NDUFA10: variants seen among roughly 807,000 people sequenced by gnomAD.
The protein encoded by NDUFA10 is NADH:ubiquinone oxidoreductase subunit A10, also known as NADH dehydrogenase [ubiquinone] 1 alpha subcomplex subunit 10, mitochondrial.
NDUFA10 carries 40 observed loss-of-function variants against 47.8 expected under a neutral mutation model. That is an observed-to-expected ratio of 0.84 (90% confidence interval 0.65 to 1.09). The LOEUF (loss-of-function observed/expected upper bound fraction) is 1.09, where lower values mean the gene tolerates loss of function less well. Among genes scored for constraint, NDUFA10 ranks in the 50% least tolerant of loss-of-function variants. The pLI is 0.00. For synonymous variants in NDUFA10, 183 were observed against 172.2 expected, an observed-to-expected ratio of 1.06 and a Z score of -0.49; for missense variants, 413 against 451.1, an observed-to-expected ratio of 0.92 and a Z score of 0.76.
chr2:239,898,758 C>T lies in NDUFA10; in HGVS notation c.295-3444G>A, dbSNP rs185463248. On this transcript the variant is annotated intron_variant, in intron 4 of 5. Coordinates refer to the NDUFA10 transcript ENST00000419408. The stretch of plus-strand genomic sequence containing the variant: ...TGCATCATCTTGGAAACCACATTCA[C>T]GAGTGCACAACGAAGTCCTACACAG... Among the ~76,000 whole-genome samples, 8 of 152,298 alleles carry T rather than the reference C, an allele frequency of 5.3e-5. No individual in the cohort carries two copies. The East Asian group carries it at 1.2e-3, about 22-fold the overall frequency.
At chr2:239,940,053 G>A (rs920297313) in intron 4 of NDUFA10, among the ~76,000 whole-genome samples, 1 of 152,228 alleles carries the variant, frequency 6.6e-6, no homozygotes, top group Admixed American at 6.5e-5. Context: ...CGCCTCTGAG[G>A]AACCCAGGCG....
intron 4 of NDUFA10, among the ~76,000 whole-genome samples, chr2:239,895,835 C>T (rs569274797): frequency 5.5e-4 from 84 of 152,306 alleles, no homozygotes; most frequent in African/African-American, 2.0e-3. Context: ...CGATACTGGC[C>T]GTGCTACTGC....
Position 240,016,007 on chromosome 2 carries a change from A to G in NDUFA10, c.548-1147T>C, listed in dbSNP as rs1697330441. Among the ~76,000 whole-genome samples, 6 of 152,310 alleles carry G rather than the reference A, an allele frequency of 3.9e-5. No individual in the cohort carries two copies. Among genetic ancestry groups the G allele is most frequent in the Admixed American group, 6.5e-5 (1 of 15,298 alleles). On this transcript the variant is annotated intron_variant, in intron 4 of 9. Coordinates refer to ENST00000252711, the MANE Select transcript of NDUFA10 (RefSeq NM_004544.4). The surrounding 1 kb of genome is among the most constrained non-coding windows in gnomAD (Gnocchi z 4.4). Reference sequence around the variant, plus strand: ...TCCCATGTCTACCAAAAATACAAACATTAGCCAGTCTCCTAACCTAGTCTC... The same window carrying G: ...TCCCATGTCTACCAAAAATACAAACGTTAGCCAGTCTCCTAACCTAGTCTC...
chr2:240,022,481 TTTAA>T, intron 1 of NDUFA10, 141 bp from the exon 2 acceptor site: 1 of 1,290,614 alleles, frequency 7.7e-7, no homozygotes, highest in Middle Eastern at 1.8e-4. Flanking sequence ...TATTAATTTG[TTTAA>T]TTATCTGTCT....
intron 4 of NDUFA10, among the ~76,000 whole-genome samples, chr2:239,926,318 A>C (rs1188390083): frequency 6.6e-6 from 1 of 152,220 alleles, no homozygotes; most frequent in Non-Finnish European, 1.5e-5. Context: ...AACAGAAAAA[A>C]CTAGCATACA....
intron 5 of NDUFA10, chr2:240,012,617 C>T (rs1017064204): frequency 1.3e-5 from 2 of 152,182 alleles, no homozygotes; most frequent in Non-Finnish European, 2.9e-5. Context: ...ATCATTCAGT[C>T]GTACCCTTAA....
chr2:239,978,536 C>G (rs1350299627), intron 9 of NDUFA10, among the ~76,000 whole-genome samples: 2 of 152,180 alleles, frequency 1.3e-5, no homozygotes, highest in Non-Finnish European at 1.5e-5. Context: ...TGACCAACCC[C>G]GATTGGATCA....
intron 4 of NDUFA10, among the ~76,000 whole-genome samples, chr2:240,017,167 A>C (rs1443261867): frequency 6.6e-6 from 1 of 152,112 alleles, no homozygotes; most frequent in Non-Finnish European, 1.5e-5. Flanking sequence ...TTAAACTCAC[A>C]TCTAACCATG....
intron 9 of NDUFA10, 90 bp from the exon 10 acceptor site, chr2:239,961,276 G>A: frequency 1.3e-6 from 2 of 1,598,024 alleles, no homozygotes; most frequent in African/African-American, 2.7e-5. Context: ...GCAGATGCCT[G>A]TACTTCATGA....
downstream of NDUFA10, among the ~76,000 whole-genome samples, chr2:239,954,382 G>C (rs1001809861): frequency 1.3e-5 from 2 of 152,258 alleles, no homozygotes; most frequent in Non-Finnish European, 1.5e-5. Flanking sequence ...TGTGAAAGTG[G>C]GCTCAACCTG....
intron 4 of NDUFA10, among the ~76,000 whole-genome samples, chr2:239,934,712 G>A (rs1053019991): frequency 2.0e-5 from 3 of 152,170 alleles, no homozygotes; most frequent in Admixed American, 6.5e-5. Flanking sequence ...TGTCAGCTGC[G>A]ATTGTCTGTC....
At chr2:240,017,669 T>C in intron 4 of NDUFA10, 1 of 657,690 alleles carries the variant, frequency 1.5e-6, no homozygotes, top group African/African-American at 1.8e-5. Flanking sequence ...CCTGACCCGC[T>C]GCTCAGCATG....
chr2:239,924,682 A>G (rs1275459366), intron 4 of NDUFA10, among the ~76,000 whole-genome samples: 4 of 152,112 alleles, frequency 2.6e-5, no homozygotes, highest in Non-Finnish European at 5.9e-5. Flanking sequence ...CTCCTATTCA[A>G]TGTAGGACCA....
At chr2:240,003,573 T>A (rs1696817204) in intron 8 of NDUFA10, among the ~76,000 whole-genome samples, 2 of 152,144 alleles carry the variant, frequency 1.3e-5, no homozygotes, top group Admixed American at 1.3e-4. Flanking sequence ...TTTTCACAAG[T>A]CAAAGACCCT....
At position 240,014,839 on chromosome 2, in the gene NDUFA10, A is replaced by G; in HGVS notation, c.569T>C (p.Val190Ala). 6.2e-7 allele frequency: 1 copy of G among 1,614,070 alleles called. No homozygotes were observed. Among genetic ancestry groups the G allele is most frequent in the Non-Finnish European group, 8.5e-7 (1 of 1,179,948 alleles). ...RKQCVDHYNE[V>A]KSVTICDYLP... ...GTAATCGCAGATGGTGACGCTCTTC[A>G]CCTCGTTGTAGTGGTCCACACCTGG... The change falls in exon 5 of 10, where the codon GTG (valine) becomes GCG (alanine). Residue 190 changes from valine (V) to alanine (A), a missense_variant. Coordinates refer to ENST00000252711, the MANE Select transcript of NDUFA10 (RefSeq NM_004544.4).
Position 239,959,313 on chromosome 2 carries a change from T to G in NDUFA10, c.*1805A>C, listed in dbSNP as rs1401206166. On this transcript the variant is annotated 3_prime_UTR_variant, in exon 10 of 10. Coordinates refer to ENST00000252711, the MANE Select transcript of NDUFA10 (RefSeq NM_004544.4). The stretch of plus-strand genomic sequence containing the variant: ...TCCTGACCACAGGGCAGACCTGCCC[T>G]CTCACTGCTGAGGACACTACCCGTG... 9 of 985,312 alleles carry G rather than the reference T, an allele frequency of 9.1e-6. No individual in the cohort carries two copies. Among genetic ancestry groups the G allele is most frequent in the Non-Finnish European group, 1.1e-5 (9 of 829,952 alleles). The allele number at this position is 985,312 out of a possible 1,614,324, so 61.0% of individuals were successfully genotyped here.
intron 1 of NDUFA10, 69 bp from the exon 2 acceptor site, chr2:240,022,409 T>C: frequency 1.2e-6 from 2 of 1,603,762 alleles, no homozygotes; most frequent in Non-Finnish European, 1.7e-6. Flanking sequence ...TAGTAACTAT[T>C]AGGTAAAAAT....
chr2:239,968,062 T>C (rs889389497), intron 9 of NDUFA10, among the ~76,000 whole-genome samples: 5 of 151,916 alleles, frequency 3.3e-5, no homozygotes, highest in African/African-American at 1.2e-4. Flanking sequence ...CGCTGTGTCC[T>C]AACTACTTTG....
chr2:239,980,293 G>T (rs959508465), intron 9 of NDUFA10, among the ~76,000 whole-genome samples: 5 of 152,184 alleles, frequency 3.3e-5, no homozygotes, highest in Non-Finnish European at 7.3e-5. Context: ...TCGGGCAGGG[G>T]GTCTGAAATG....
Sources: gnomAD v4.1 joint callset for allele counts (sites outside exome capture counted in the v4.1 genomes callset) on GRCh38, gnomAD v4.1.1 for gene constraint, Gnocchi (gnomAD v3.1) non-coding constraint, MANE v1.5 for transcripts, NCBI Gene and HGNC (gene_info 2026-07-23, HGNC 2026-07-21) for gene names.